ICA1: variants seen among roughly 807,000 people sequenced by gnomAD.
ICA1 encodes 69 kDa islet cell autoantigen.
Under a neutral mutation model 71.0 loss-of-function variants are expected in ICA1, and 40 were observed. That is an observed-to-expected ratio of 0.56 (90% CI 0.44 to 0.73). The LOEUF is 0.73. Among genes scored for constraint, ICA1 ranks in the 30% least tolerant of loss-of-function variants. The pLI, the probability that ICA1 is intolerant of heterozygous loss-of-function variation, is 0.00. For missense variants in ICA1, 578 were observed against 576.5 expected (o/e 1.00, Z -0.03); for synonymous variants, 207 against 209.5 (o/e 0.99, Z 0.10).
chr7:8,220,502 A>C (rs1796712595), intron 5 of ICA1, among the ~76,000 whole-genome samples: 2 of 152,176 alleles, frequency 1.3e-5, no homozygotes, highest in Non-Finnish European at 1.5e-5. Context: ...CATTCTGCCT[A>C]CTACTAGTGA....
intron 1 of ICA1, among the ~76,000 whole-genome samples, chr7:8,250,741 A>G (rs1807879700): frequency 1.3e-5 from 2 of 152,182 alleles, no homozygotes. Context: ...TCATGTTTTA[A>G]TTTTGTGAGT....
chr7:8,257,902 T>G (rs1180384124), intron 1 of ICA1, among the ~76,000 whole-genome samples: 3 of 152,138 alleles, frequency 2.0e-5, no homozygotes, highest in African/African-American at 7.2e-5. Context: ...ACGAGGACTA[T>G]TTGTATTAGC....
intron 6 of ICA1, among the ~76,000 whole-genome samples, chr7:8,166,660 G>C (rs1237251726): frequency 6.6e-6 from 1 of 152,104 alleles, no homozygotes; most frequent in Non-Finnish European, 1.5e-5. Flanking sequence ...GTAAACTAAA[G>C]AGCTTCTGTA....
rs1474889639 is a variant in ICA1, at chr7:8,123,418, T to A, written c.1330+4455A>T. 6.7e-6 allele frequency among the ~76,000 whole-genome samples: 1 copy of A among 150,178 alleles called. No individual in the cohort carries two copies. The highest frequency in any genetic ancestry group is 1.5e-5 in the Non-Finnish European group (1 of 67,534). On this transcript the variant is annotated intron_variant, in intron 13 of 13. Coordinates refer to ENST00000402384, the MANE Select transcript of ICA1 (RefSeq NM_001136020.3). This position sits in a 1 kb window ranked among gnomAD's most constrained non-coding sequence, Gnocchi z 4.1. ...GGGAAATGTGGATTGTGAGAGGGGG[T>A]GAGGGAGCTGGGGACGCGGCCCAGA...
chr7:8,219,891 T>C lies in ICA1; in HGVS notation c.380+1384A>G, dbSNP rs188459596. On this transcript the variant is annotated intron_variant, in intron 5 of 13. Transcript: ENST00000402384. ...GCCTAAGAATTTTTCTCACTGAAGT[T>C]AGTGATAATTATATGTTTAACACAT... Among the ~76,000 whole-genome samples the C allele has an allele frequency of 7.2e-5, 11 of 152,350 alleles. No individual in the cohort carries two copies. The East Asian group carries it at 1.9e-3, about 27-fold the overall frequency.
At chr7:8,240,809 A>G (rs994501272) in intron 1 of ICA1, among the ~76,000 whole-genome samples, 5 of 152,228 alleles carry the variant, frequency 3.3e-5, no homozygotes, top group Non-Finnish European at 7.3e-5. Flanking sequence ...AAGAAAGGGT[A>G]GGTATCAGTG....
In ICA1 at chr7:8,158,607, T is replaced by C. The variant is rs769481318; in HGVS notation, c.625A>G (p.Lys209Glu). The C allele has an allele frequency of 4.3e-6, 7 of 1,614,106 alleles. No individual in the cohort carries two copies. The highest frequency in any genetic ancestry group is 1.7e-5 in the Admixed American group (1 of 60,030). Residue 209 changes from lysine (K) to glutamate (E), a missense_variant, in exon 7 of 14, where the codon AAG becomes GAG. By Grantham distance (56) the Lys-to-Glu change is moderately conservative. Coordinates refer to ENST00000402384, the MANE Select transcript of ICA1 (RefSeq NM_001136020.3). ...RLAKKNFDKL[K>E]MDVCQKVDLL... The stretch of plus-strand genomic sequence containing the variant: ...TCCACTTTTTGACAAACATCCATCT[T>C]CAATTTGTCAAAGTTTTTTTTTGCA...
At chr7:8,251,620 C>G (rs929681081) in intron 1 of ICA1, among the ~76,000 whole-genome samples, 17 of 151,750 alleles carry the variant, frequency 1.1e-4, no homozygotes, top group Non-Finnish European at 1.9e-4. Context: ...GGTTAAAGGT[C>G]AAGTTCACAT....
intron 1 of ICA1, among the ~76,000 whole-genome samples, chr7:8,249,125 C>T (rs1563199975): frequency 1.3e-5 from 2 of 152,248 alleles, no homozygotes; most frequent in Non-Finnish European, 2.9e-5. Flanking sequence ...GAAGATGCTA[C>T]AGGCTCCCTG....
At chr7:8,129,485 A>G (rs1210182593) in intron 12 of ICA1, among the ~76,000 whole-genome samples, 1 of 152,172 alleles carries the variant, frequency 6.6e-6, no homozygotes, top group Admixed American at 6.5e-5. Flanking sequence ...CAGACAGGCT[A>G]TAAATCAGGG....
chr7:8,166,003 A>C (rs576903820), intron 6 of ICA1, among the ~76,000 whole-genome samples: 12 of 152,336 alleles, frequency 7.9e-5, no homozygotes, highest in African/African-American at 2.9e-4. Context: ...TCGTTACAGA[A>C]GTAGAAAGAT....
At chr7:8,149,173 C>T (rs4720764) in intron 8 of ICA1, among the ~76,000 whole-genome samples, 140,026 of 152,258 alleles carry the variant, frequency 0.92, 65,027 homozygotes, top group East Asian at 1. Context: ...TTCCAATTAC[C>T]AGCTGATGGG....
intron 2 of ICA1, among the ~76,000 whole-genome samples, chr7:8,235,117 T>C (rs1017784800): frequency 6.6e-6 from 1 of 151,988 alleles, no homozygotes; most frequent in Non-Finnish European, 1.5e-5. Flanking sequence ...TGAGCTGAGA[T>C]TGCACCACTG....
intron 5 of ICA1, among the ~76,000 whole-genome samples, chr7:8,220,634 A>G (rs1379759849): frequency 1.3e-5 from 2 of 150,798 alleles, no homozygotes; most frequent in African/African-American, 4.9e-5. Flanking sequence ...CCACCATAAA[A>G]ATGAGTCACG....
rs1791706820 is a variant in ICA1, at chr7:8,132,211, G to A, written c.1061-4069C>T. On this transcript the variant is annotated intron_variant, in intron 12 of 13. Coordinates refer to ENST00000402384, the MANE Select transcript of ICA1 (RefSeq NM_001136020.3). This position sits in a 1 kb window ranked among gnomAD's most constrained non-coding sequence, Gnocchi z 4.5. ...GCATTGCCTCTCCTTTCTAAGATAA[G>A]CCCTCTCTATGCCCTCCCCTCCTTC... 6.6e-6 allele frequency among the ~76,000 whole-genome samples: 1 copy of A among 152,088 alleles called. No homozygotes were observed. Among genetic ancestry groups the A allele is most frequent in the South Asian group, 2.1e-4 (1 of 4,814 alleles).
intron 1 of ICA1, among the ~76,000 whole-genome samples, chr7:8,247,754 C>T (rs1806600522): frequency 6.6e-6 from 1 of 152,166 alleles, no homozygotes; most frequent in Non-Finnish European, 1.5e-5. Context: ...CTTGTTCTGA[C>T]CTAGAACTTT....
chr7:8,197,586 T>G (rs1788140084), intron 6 of ICA1, among the ~76,000 whole-genome samples: 1 of 139,442 alleles, frequency 7.2e-6, no homozygotes, highest in Non-Finnish European at 1.5e-5. Flanking sequence ...ATAATAATAA[T>G]AATAATAATA....
In ICA1 at chr7:8,123,160, C is replaced by G. The variant is rs895317507; in HGVS notation, c.1330+4713G>C. Among the ~76,000 whole-genome samples the G allele has an allele frequency of 3.9e-5, 6 of 152,216 alleles. No homozygotes were observed. Among genetic ancestry groups the G allele is most frequent in the Admixed American group, 2.6e-4 (4 of 15,284 alleles). On this transcript the variant is annotated intron_variant, in intron 13 of 13. Coordinates refer to ENST00000402384, the MANE Select transcript of ICA1 (RefSeq NM_001136020.3). This position sits in a 1 kb window ranked among gnomAD's most constrained non-coding sequence, Gnocchi z 4.1. ...TCCCAGCTAAAATTAACTTCATCTT[C>G]TCATTTTCAGCACAACTTGATTCTA... is the stretch of plus-strand genomic sequence containing the variant.
At chr7:8,239,751 C>T (rs554078075) in intron 1 of ICA1, among the ~76,000 whole-genome samples, 32 of 152,360 alleles carry the variant, frequency 2.1e-4, no homozygotes, top group Admixed American at 9.1e-4. Flanking sequence ...TTATATCCCA[C>T]GCCTGGCTCG....
Sources: allele counts gnomAD v4.1 joint callset (sites outside exome capture counted in the v4.1 genomes callset), GRCh38; gene constraint gnomAD v4.1.1; non-coding constraint Gnocchi (gnomAD v3.1); transcripts MANE v1.5; gene names NCBI Gene and HGNC (gene_info 2026-07-23, HGNC 2026-07-21).